MACF1: variants seen among roughly 807,000 people sequenced by gnomAD.
MACF1 encodes the protein microtubule actin crosslinking factor 1, also known as microtubule-actin cross-linking factor 1.
Under a neutral mutation model 854.8 loss-of-function variants are expected in MACF1, and 193 were observed. The ratio of observed to expected loss-of-function variants is 0.23; its 90% confidence interval spans 0.20 to 0.25. MACF1 has a LOEUF of 0.25. MACF1 is among the 10% of genes least tolerant of loss of function. The pLI is 1.00. For missense variants in MACF1, 7,722 were observed against 8,929.1 expected (o/e 0.86, Z 5.45); for synonymous variants, 3,185 against 3,226.7 (o/e 0.99, Z 0.44).
At chr1:39,413,873 C>A in intron 58 of MACF1, 2 of 1,610,290 alleles carry the variant, frequency 1.2e-6, no homozygotes. Context: ...GCTTCAGTGC[C>A]CACCCCTGCA....
chr1:39,242,483 T>C (rs1644935867), intron 2 of MACF1, among the ~76,000 whole-genome samples: 1 of 151,810 alleles, frequency 6.6e-6, no homozygotes, highest in African/African-American at 2.4e-5. Flanking sequence ...CTGGGTGTGA[T>C]GGATCAAGCC....
At chr1:39,220,002 C>A (rs1644629392) in intron 1 of MACF1, among the ~76,000 whole-genome samples, 1 of 152,094 alleles carries the variant, frequency 6.6e-6, no homozygotes, top group Admixed American at 6.6e-5. Context: ...CTGCCCACCT[C>A]AGCCTCCCAA....
In MACF1 at chr1:39,442,131, AGT is replaced by A. The variant is rs758954601; in HGVS notation, c.18775-11_18775-10del. ...AAGGCTTGATTTGATGTTAACATTG[AGT>A]GTGTCTTTGACAGGAGTTCAAAGTA... On this transcript the variant is annotated splice_polypyrimidine_tract_variant and intron_variant, in intron 75 of 100. Transcript: ENST00000564288. 2 of 1,589,296 alleles carry A rather than the reference AGT, an allele frequency of 1.3e-6. No homozygotes were observed. Among genetic ancestry groups the A allele is most frequent in the Non-Finnish European group, 1.7e-6 (2 of 1,170,042 alleles).
In MACF1 at chr1:39,447,447, G is replaced by A. The variant is rs1413469809; in HGVS notation, c.19621G>A (p.Ala6541Thr). ...TGAAATTCAGTCAAAGCTGGAAGAG[G>A]CCCTCAACTTGGCAACAGAATTCCA... ...MEERKSKLEE[A>T]LNLATEFQNS... Residue 6541 changes from alanine (A) to threonine (T), a missense_variant, in exon 81 of 101, where the codon GCC (alanine) becomes ACC (threonine). This residue lies in a region of MACF1 where 729 missense variants were observed against 900.5 expected (regional missense o/e 0.81). Coordinates refer to ENST00000564288, the MANE Select transcript of MACF1 (RefSeq NM_001394062.1). The A allele has an allele frequency of 6.2e-7, 1 of 1,613,960 alleles. No individual in the cohort carries two copies. Among genetic ancestry groups the A allele is most frequent in the Non-Finnish European group, 8.5e-7 (1 of 1,179,974 alleles).
chr1:39,391,181 C>G (rs985287823), intron 58 of MACF1, among the ~76,000 whole-genome samples: 1 of 151,004 alleles, frequency 6.6e-6, no homozygotes, highest in Non-Finnish European at 1.5e-5. Flanking sequence ...ATTTTAAACT[C>G]AATTTGCCTA....
chr1:39,442,420 A>G lies in MACF1; in HGVS notation c.18957A>G (p.Leu6319=), dbSNP rs775033499. ...GEKIAHRQHK[L]EGALLALGQF... is the part of the protein sequence containing the mutation. ...TGTCTTTTCCTGAGTAGCACAAACT[A>G]GAAGGGGCTCTGTTGGCCCTTGGTC... is the stretch of plus-strand genomic sequence containing the variant. Residue 6319 remains leucine, a synonymous_variant, in exon 77 of 101, where the codon CTA becomes CTG. Coordinates refer to ENST00000564288, the MANE Select transcript of MACF1 (RefSeq NM_001394062.1). 3 of 1,613,562 alleles carry G rather than the reference A, an allele frequency of 1.9e-6. No individual in the cohort carries two copies. Among genetic ancestry groups the G allele is most frequent in the East Asian group, 2.2e-5 (1 of 44,884 alleles).
chr1:39,362,745 T>G (rs761864784), intron 49 of MACF1, among the ~76,000 whole-genome samples: 18 of 152,200 alleles, frequency 1.2e-4, no homozygotes, highest in Middle Eastern at 3.2e-3. Context: ...GGGAATGATA[T>G]TTAGAAACCA....
intron 17 of MACF1, 68 bp downstream of exon 17, chr1:39,292,911 G>A (rs547498747): frequency 3.7e-5 from 49 of 1,311,274 alleles, no homozygotes; most frequent in African/African-American, 4.4e-5. Flanking sequence ...ACTCTCTTCC[G>A]TAATTCAGAA....
intron 2 of MACF1, among the ~76,000 whole-genome samples, chr1:39,124,246 G>A (rs930317183): frequency 6.6e-6 from 1 of 152,084 alleles, no homozygotes; most frequent in African/African-American, 2.4e-5. Flanking sequence ...CCAAGTTTGT[G>A]ATTAGGTGGT....
intron 2 of MACF1, among the ~76,000 whole-genome samples, chr1:39,174,527 G>T (rs916714631): frequency 4.6e-5 from 7 of 152,024 alleles, no homozygotes; most frequent in African/African-American, 1.7e-4. Context: ...TTCCCATTAG[G>T]CATTAACTTT....
chr1:39,441,985 A>G lies in MACF1; in HGVS notation c.18706A>G (p.Lys6236Glu). 6.2e-7 allele frequency: 1 copy of G among 1,614,122 alleles called. No homozygotes were observed. ...MFDWLDNTVIKLCTMPPVGTD... is the reference protein window; with the variant it reads ...MFDWLDNTVIELCTMPPVGTD... The stretch of plus-strand genomic sequence containing the variant: ...TGACTGGCTAGATAACACTGTGATT[A>G]AACTCTGCACCATGCCCCCTGTTGG... Residue 6236 changes from lysine (K) to glutamate (E), a missense_variant, in exon 75 of 101, where the codon AAA becomes GAA. This residue lies in a region of MACF1 where 2,807 missense variants were observed against 3,235.8 expected (regional missense o/e 0.87). Transcript: ENST00000564288.
rs1357991560 is a variant in MACF1 at position 39,347,103 on chromosome 1, C to T, written c.10708C>T (p.Leu3570=). ...PQQNRQMLRL[L]NELQRSFQDI... ...GCAGAATCGACAGATGCTGAGGCTT[C>T]TGAATGAACTGCAGAGGTCCTTCCA... is the stretch of plus-strand genomic sequence containing the variant. The change falls in exon 41 of 101, where the codon CTG becomes TTG. Residue 3570 remains leucine (L), a synonymous_variant. Coordinates refer to ENST00000564288, the MANE Select transcript of MACF1 (RefSeq NM_001394062.1). 3 of 1,614,154 alleles carry T rather than the reference C, an allele frequency of 1.9e-6. No individual in the cohort carries two copies. The East Asian group carries it at 6.7e-5, about 36-fold the overall frequency.
intron 36 of MACF1, among the ~76,000 whole-genome samples, chr1:39,329,020 G>A (rs2148464705): frequency 6.6e-6 from 1 of 152,172 alleles, no homozygotes; most frequent in East Asian, 1.9e-4. Context: ...AGTCTTTCAT[G>A]GATTTTCTAA....
chr1:39,171,102 T>G (rs1017974700), intron 2 of MACF1, among the ~76,000 whole-genome samples: 7 of 152,156 alleles, frequency 4.6e-5, no homozygotes, highest in Non-Finnish European at 8.8e-5. Flanking sequence ...TTATTTGTGG[T>G]CCAACAGCAA....
At chr1:39,440,096 C>G (rs1037603442) in intron 72 of MACF1, among the ~76,000 whole-genome samples, 2 of 102,040 alleles carry the variant, frequency 2.0e-5, no homozygotes, top group Non-Finnish European at 4.0e-5. Context: ...CTTTTCTTTT[C>G]TTTTCTTTTC....
intron 58 of MACF1, among the ~76,000 whole-genome samples, chr1:39,421,967 C>T (rs1310193503): frequency 1.3e-5 from 2 of 151,924 alleles, no homozygotes; most frequent in Non-Finnish European, 2.9e-5. Flanking sequence ...CCCAGCTGCT[C>T]AGAAGACTGA....
Position 39,334,705 on chromosome 1 carries a change from C to A in MACF1, c.8117C>A (p.Ser2706Ter). ...TATGKRLTLA[S>*]ALEEKLVDEN... ...ACTGGAAAAAGACTGACATTGGCAT[C>A]AGCTTTGGAAGAGAAACTGGTGGAT... Residue 2706 changes from serine to a stop codon, truncating the protein, a stop_gained, in exon 37 of 101, where the codon TCA (serine) becomes TAA (stop). Coordinates refer to ENST00000564288, the MANE Select transcript of MACF1 (RefSeq NM_001394062.1). LOFTEE classifies it high-confidence loss of function. 6.2e-7 allele frequency: 1 copy of A among 1,614,092 alleles called. No homozygotes were observed. Among genetic ancestry groups the A allele is most frequent in the Non-Finnish European group, 8.5e-7 (1 of 1,180,010 alleles).
upstream of MACF1, among the ~76,000 whole-genome samples, chr1:39,203,314 C>T (rs1644414361): frequency 6.6e-6 from 1 of 152,080 alleles, no homozygotes; most frequent in Admixed American, 6.6e-5. Flanking sequence ...GCCATCTTCC[C>T]ACCTCAGCCT....
Position 39,258,045 on chromosome 1 carries a change from T to C in MACF1, c.528+17T>C. The stretch of plus-strand genomic sequence containing the variant: ...CATTTCCAGGTAGGGCATGTGAAGT[T>C]TGGAATTCCTGTTGCTTTGTTTGGA... On this transcript the variant is annotated intron_variant, in intron 6 of 100. Coordinates refer to ENST00000564288, the MANE Select transcript of MACF1 (RefSeq NM_001394062.1). 6 of 1,602,636 alleles carry C rather than the reference T, an allele frequency of 3.7e-6. No homozygotes were observed. The highest frequency in any genetic ancestry group is 5.1e-6 in the Non-Finnish European group (6 of 1,169,530).
Sources: gnomAD v4.1 joint callset for allele counts (sites outside exome capture counted in the v4.1 genomes callset) on GRCh38, gnomAD v4.1.1 for gene constraint, gnomAD v4.1.1 regional missense constraint, MANE v1.5 for transcripts, NCBI Gene and HGNC (gene_info 2026-07-23, HGNC 2026-07-21) for gene names.